CHIC1: variants seen among roughly 807,000 people sequenced by gnomAD.
The protein encoded by CHIC1 is cysteine-rich hydrophobic domain-containing protein 1.
A neutral mutation model predicts 18.5 loss-of-function variants in CHIC1; 7 were observed. The ratio of observed to expected loss-of-function variants is 0.38; its 90% CI spans 0.22 to 0.71. The LOEUF (loss-of-function observed/expected upper bound fraction) is 0.71. Among genes scored for constraint, CHIC1 ranks in the 30% least tolerant of loss-of-function variants. CHIC1 has a pLI of 0.49. For synonymous variants in CHIC1, 77 were observed against 73.5 expected (o/e 1.05, Z -0.25); for missense variants, 159 against 176.9 (o/e 0.90, Z 0.57).
At chrX:73,673,339 A>G (rs1300980376) in intron 3 of CHIC1, among the ~76,000 whole-genome samples, 2 of 111,854 alleles carry the variant, frequency 1.8e-5, no homozygotes, top group South Asian at 3.8e-4. Flanking sequence ...TACCTTGGGC[A>G]GTATGGCCAT....
Position 73,583,960 on chromosome X carries a change from CT to C in CHIC1, c.352-451del, listed in dbSNP as rs1292472106. 2.7e-5 allele frequency among the ~76,000 whole-genome samples: 3 copies of C among 110,726 alleles called. No homozygotes were observed. In the East Asian group the frequency reaches 8.5e-4, roughly 32 times the overall value. ...CAGGGAATAAGGGTTTGAGAGTTGC[CT>C]TTTTTCAAAGTAATCCAGGAGTATT... On this transcript the variant is annotated intron_variant, in intron 2 of 5. Coordinates refer to ENST00000373502, the MANE Select transcript of CHIC1 (RefSeq NM_001039840.4).
intron 1 of CHIC1, among the ~76,000 whole-genome samples, chrX:73,564,508 G>A (rs145172142): frequency 0.073 from 8,068 of 111,062 alleles, 321 homozygotes; most frequent in Non-Finnish European, 0.11. Context: ...CAGCTACAAG[G>A]CAAAAATGTT....
chrX:73,611,267 G>C (rs2057707330), intron 3 of CHIC1, among the ~76,000 whole-genome samples: 1 of 107,861 alleles, frequency 9.3e-6, no homozygotes, highest in Admixed American at 9.7e-5. Flanking sequence ...AGAACATGCG[G>C]TGTTTGGTTT....
At chrX:73,659,704 T>C (rs1158446497) in intron 3 of CHIC1, among the ~76,000 whole-genome samples, 2 of 111,287 alleles carry the variant, frequency 1.8e-5, no homozygotes, top group Non-Finnish European at 3.8e-5. Context: ...AAACATATGG[T>C]TGGGTAGTGC....
Position 73,643,364 on chromosome X carries a change from A to C in CHIC1, c.508-35962A>C, listed in dbSNP as rs781608962. Among the ~76,000 whole-genome samples the C allele has an allele frequency of 1.4e-4, 15 of 108,788 alleles. No individual in the cohort carries two copies. The South Asian group carries it at 6.2e-3, about 45-fold the overall frequency. The allele number at this position is 108,788 out of a possible 115,157, so 94.5% of individuals were successfully genotyped here. On this transcript the variant is annotated intron_variant, in intron 3 of 5. Coordinates refer to ENST00000373502, the MANE Select transcript of CHIC1 (RefSeq NM_001039840.4). ...ACGTGTCTTGGAGTTGCTCTTCTCG[A>C]GGAGTATCTTTGTGGTGTTCTCTGT...
chrX:73,672,404 A>G (rs1275447346), intron 3 of CHIC1, among the ~76,000 whole-genome samples: 1 of 111,139 alleles, frequency 9.0e-6, no homozygotes, highest in Non-Finnish European at 1.9e-5. Flanking sequence ...AAGTGTTCCT[A>G]TTTCTCCACA....
At chrX:73,629,930 G>A (rs757774418) in intron 3 of CHIC1, among the ~76,000 whole-genome samples, 2 of 111,767 alleles carry the variant, frequency 1.8e-5, no homozygotes, top group African/African-American at 3.2e-5. Flanking sequence ...CCATGAATGA[G>A]ATATCTTTTT....
intron 3 of CHIC1, among the ~76,000 whole-genome samples, chrX:73,672,241 G>A (rs2058035060): frequency 8.9e-6 from 1 of 111,846 alleles, no homozygotes; most frequent in Non-Finnish European, 1.9e-5. Flanking sequence ...GTGTGCATGT[G>A]TCTTTATAGC....
intron 3 of CHIC1, among the ~76,000 whole-genome samples, chrX:73,675,918 G>A (rs2058059854): frequency 9.1e-6 from 1 of 110,111 alleles, no homozygotes; most frequent in South Asian, 4.0e-4. Flanking sequence ...CTCTTTTAGG[G>A]CAGGCCTGGT....
chrX:73,657,740 AT>A (rs1298337847), intron 3 of CHIC1, among the ~76,000 whole-genome samples: 1 of 111,314 alleles, frequency 9.0e-6, no homozygotes, highest in Non-Finnish European at 1.9e-5. Context: ...TCAGTATGAT[AT>A]TGGCTGTAGA....
chrX:73,679,412 A>G (rs1188449086), intron 4 of CHIC1, 30 bp downstream of exon 4: 1 of 954,768 alleles, frequency 1.0e-6, no homozygotes, highest in Non-Finnish European at 1.5e-6. Context: ...TAAGTGCCCC[A>G]TTCATATATT....
chrX:73,574,965 C>G (rs774179529), intron 1 of CHIC1, among the ~76,000 whole-genome samples: 29 of 109,705 alleles, frequency 2.6e-4, no homozygotes, highest in Middle Eastern at 4.6e-3. Context: ...TTCATAGTTC[C>G]TCTAGGTCCT....
chrX:73,581,317 T>C (rs2057526183), intron 2 of CHIC1, among the ~76,000 whole-genome samples: 1 of 110,758 alleles, frequency 9.0e-6, no homozygotes, highest in Non-Finnish European at 1.9e-5. Flanking sequence ...CTTTATGGTG[T>C]GGTTTTCTTT....
chrX:73,592,882 G>A (rs1014384486), intron 3 of CHIC1, among the ~76,000 whole-genome samples: 2 of 110,672 alleles, frequency 1.8e-5, no homozygotes, highest in African/African-American at 6.6e-5. Flanking sequence ...ATTTTGGAAC[G>A]TGTTATTGTT....
intron 3 of CHIC1, among the ~76,000 whole-genome samples, chrX:73,612,152 A>G (rs2057711944): frequency 9.0e-6 from 1 of 111,354 alleles, no homozygotes; most frequent in South Asian, 3.7e-4. Context: ...TTATGGTTTT[A>G]GGTCTAACAT....
intron 3 of CHIC1, among the ~76,000 whole-genome samples, chrX:73,672,301 G>A (rs767028133): frequency 9.0e-6 from 1 of 111,625 alleles, no homozygotes; most frequent in Non-Finnish European, 1.9e-5. Context: ...GGAAGGCTGG[G>A]TCAAATGGTA....
intron 3 of CHIC1, among the ~76,000 whole-genome samples, chrX:73,599,512 A>C (rs1488108273): frequency 2.9e-5 from 3 of 102,757 alleles, no homozygotes; most frequent in Non-Finnish European, 5.8e-5. Flanking sequence ...TTTTTGTATA[A>C]GGTGTAAGGA....
chrX:73,651,806 G>A (rs11093436), intron 3 of CHIC1, among the ~76,000 whole-genome samples: 23,949 of 110,747 alleles, frequency 0.22, 2,457 homozygotes, highest in African/African-American at 0.39. Flanking sequence ...GAACATGGCC[G>A]TACTGCCCAT....
chrX:73,680,733 C>T (rs1251816475), intron 5 of CHIC1, among the ~76,000 whole-genome samples: 1 of 110,843 alleles, frequency 9.0e-6, no homozygotes, highest in East Asian at 2.8e-4. Flanking sequence ...CTGTTAGCTA[C>T]AATAAGTAGT....
Sources: gnomAD v4.1 joint callset for allele counts (sites outside exome capture counted in the v4.1 genomes callset) on GRCh38, gnomAD v4.1.1 for gene constraint, MANE v1.5 for transcripts, NCBI Gene and HGNC (gene_info 2026-07-23, HGNC 2026-07-21) for gene names.